Variants in CDH18 observed in about 807,000 individuals in gnomAD.
CDH18 encodes cadherin 18, also known as cadherin-18.
A neutral mutation model predicts 67.9 loss-of-function variants in CDH18; 31 were observed. The ratio of observed to expected loss-of-function variants is 0.46; its 90% CI spans 0.34 to 0.62. The LOEUF is 0.62. CDH18 is among the 20% of genes least tolerant of loss of function. The pLI, the probability that CDH18 is intolerant of heterozygous loss-of-function variation, is 0.01. For synonymous variants in CDH18, 362 were observed against 347.2 expected, an observed-to-expected ratio of 1.04 and a Z score of -0.48; for missense variants, 890 against 975.5, an observed-to-expected ratio of 0.91 and a Z score of 1.17.
At chr5:19,825,262 T>G in intron 3 of CDH18, among the ~76,000 whole-genome samples, 1 of 152,100 alleles carries the variant, frequency 6.6e-6, no homozygotes, top group East Asian at 1.9e-4. Flanking sequence ...AGGCAAGCAA[T>G]GCCAGCTAGA....
intron 5 of CDH18, among the ~76,000 whole-genome samples, chr5:19,640,516 A>G (rs1018478238): frequency 1.3e-5 from 2 of 152,148 alleles, no homozygotes; most frequent in Non-Finnish European, 2.9e-5. Flanking sequence ...TCAAATAGCA[A>G]AGGAATACGG....
At chr5:20,527,383 C>T (rs1209206359) in intron 1 of CDH18, among the ~76,000 whole-genome samples, 1 of 151,916 alleles carries the variant, frequency 6.6e-6, no homozygotes, top group Non-Finnish European at 1.5e-5. Context: ...CAAGACAAGC[C>T]ATTATTCAGA....
At chr5:19,564,368 C>G (rs1290766105) in intron 8 of CDH18, among the ~76,000 whole-genome samples, 5 of 152,180 alleles carry the variant, frequency 3.3e-5, no homozygotes, top group African/African-American at 1.2e-4. Context: ...AGGACTTCAT[C>G]TTGCAACTTG....
In CDH18 at chr5:20,238,409, A is replaced by C. The variant is rs554722717; in HGVS notation, c.-518+17035T>G. Among the ~76,000 whole-genome samples, 14 of 152,274 alleles carry C rather than the reference A, an allele frequency of 9.2e-5. No homozygotes were observed. The East Asian group carries it at 2.7e-3, about 29-fold the overall frequency. On this transcript the variant is annotated intron_variant, in intron 2 of 14. Transcript: ENST00000507958. ...GGAAGTAAGCCAGTACAAATTCGGG[A>C]ATAATTTGAACAGCCATTTTTCCAA...
chr5:19,923,511 C>T (rs1287099476), intron 2 of CDH18, among the ~76,000 whole-genome samples: 2 of 152,134 alleles, frequency 1.3e-5, no homozygotes, highest in South Asian at 2.1e-4. Context: ...ATTTGCTTTT[C>T]CATTCTTAGT....
rs529500805 is a variant in CDH18, at chr5:20,511,222, A to G, written c.-580+64240T>C. Reference sequence around the variant, plus strand: ...CACCAGAAGAAAAAGCTTTTACTTTATATTACAACGAAGTGTCAGCACTCA... The same window carrying G: ...CACCAGAAGAAAAAGCTTTTACTTTGTATTACAACGAAGTGTCAGCACTCA... On this transcript the variant is annotated intron_variant, in intron 1 of 14. Transcript: ENST00000507958. 1.5e-4 allele frequency among the ~76,000 whole-genome samples: 23 copies of G among 152,340 alleles called. No homozygotes were observed. The South Asian group carries it at 3.5e-3, about 23-fold the overall frequency.
At chr5:20,401,843 A>G (rs993961573) in intron 1 of CDH18, among the ~76,000 whole-genome samples, 1 of 152,202 alleles carries the variant, frequency 6.6e-6, no homozygotes, top group Non-Finnish European at 1.5e-5. Flanking sequence ...TAATTTGTTC[A>G]TATTGACCAG....
chr5:19,645,975 AT>A (rs1301857000), intron 5 of CDH18, among the ~76,000 whole-genome samples: 2 of 152,210 alleles, frequency 1.3e-5, no homozygotes, highest in African/African-American at 4.8e-5. Context: ...AGAATACAAT[AT>A]ATGGAAGCAA....
In CDH18 at chr5:19,839,246, A is replaced by C; in HGVS notation, c.-256-4T>G. ...AACACAAGCAACCATTTTCAACCTA[A>C]TGGAAAGAGAAAATTATATGTGTTA... On this transcript the variant is annotated splice_region_variant and splice_polypyrimidine_tract_variant and intron_variant, in intron 2 of 12. Coordinates refer to ENST00000382275, the MANE Select transcript of CDH18 (RefSeq NM_004934.5). 2.4e-6 allele frequency: 1 copy of C among 422,734 alleles called. No individual in the cohort carries two copies. Among genetic ancestry groups the C allele is most frequent in the Non-Finnish European group, 4.3e-6 (1 of 232,824 alleles). The allele number at this position is 422,734 out of a possible 1,614,324, so 26.2% of individuals were successfully genotyped here.
chr5:20,175,659 C>T (rs1737176255), intron 2 of CDH18, among the ~76,000 whole-genome samples: 1 of 152,074 alleles, frequency 6.6e-6, no homozygotes, highest in African/African-American at 2.4e-5. Flanking sequence ...TATATAGATA[C>T]ATATAAAACT....
At chr5:19,908,610 T>C (rs1790780603) in intron 2 of CDH18, among the ~76,000 whole-genome samples, 1 of 152,182 alleles carries the variant, frequency 6.6e-6, no homozygotes, top group Non-Finnish European at 1.5e-5. Context: ...TTTATTCATC[T>C]TTTTCCAGGT....
intron 1 of CDH18, among the ~76,000 whole-genome samples, chr5:20,491,490 G>A (rs981588): frequency 0.033 from 5,045 of 152,238 alleles, 273 homozygotes; most frequent in African/African-American, 0.11. Flanking sequence ...TATAAAGGAT[G>A]GCCAGTCCAA....
At chr5:20,305,625 G>C in intron 1 of CDH18, 29 of 432,322 alleles carry the variant, frequency 6.7e-5, no homozygotes, top group Middle Eastern at 6.7e-4. Context: ...CAAACCCAGA[G>C]ACTCAAACGC....
At chr5:20,345,555 T>G (rs2150049562) in intron 1 of CDH18, among the ~76,000 whole-genome samples, 1 of 152,284 alleles carries the variant, frequency 6.6e-6, no homozygotes, top group South Asian at 2.1e-4. Context: ...CTTTCTTAGC[T>G]AAGTAATTGT....
intron 3 of CDH18, among the ~76,000 whole-genome samples, chr5:19,796,687 G>T (rs1362795213): frequency 1.3e-5 from 2 of 152,012 alleles, no homozygotes; most frequent in Non-Finnish European, 2.9e-5. Context: ...TTTCCTTCAT[G>T]AGTTTTATCT....
intron 2 of CDH18, among the ~76,000 whole-genome samples, chr5:20,007,757 T>G (rs570692584): frequency 1.3e-5 from 2 of 151,574 alleles, no homozygotes; most frequent in South Asian, 4.2e-4. Flanking sequence ...GTATGGTATG[T>G]GAACTAAGAA....
chr5:19,502,327 TTAA>T (rs1436554467), intron 11 of CDH18, among the ~76,000 whole-genome samples: 2 of 152,160 alleles, frequency 1.3e-5, no homozygotes, highest in African/African-American at 4.8e-5. Flanking sequence ...ACCATATGGC[TTAA>T]TGTTTCCCTA....
intron 2 of CDH18, among the ~76,000 whole-genome samples, chr5:20,101,800 G>A (rs533302609): frequency 7.2e-5 from 11 of 152,336 alleles, no homozygotes; most frequent in African/African-American, 2.2e-4. Flanking sequence ...CTAGCCGGGC[G>A]TGTTGGCTCA....
intron 2 of CDH18, among the ~76,000 whole-genome samples, chr5:20,250,692 C>T (rs1488324531): frequency 2.1e-5 from 3 of 142,734 alleles, no homozygotes; most frequent in African/African-American, 7.9e-5. Flanking sequence ...GAAACCTCTG[C>T]CTCCTGGGTT....
Sources: allele counts gnomAD v4.1 joint callset (sites outside exome capture counted in the v4.1 genomes callset), GRCh38; gene constraint gnomAD v4.1.1; transcripts MANE v1.5; gene names NCBI Gene and HGNC (gene_info 2026-07-23, HGNC 2026-07-21).